Variants in CEBPZ observed in about 807,000 individuals in gnomAD.
CEBPZ encodes the protein CCAAT/enhancer-binding protein zeta.
Under a neutral mutation model 104.5 loss-of-function variants are expected in CEBPZ, and 78 were observed. That is an observed-to-expected ratio of 0.75 (90% CI 0.62 to 0.90). The LOEUF (loss-of-function observed/expected upper bound fraction) is 0.90, where lower values mean the gene tolerates loss of function less well. Among genes scored for constraint, CEBPZ ranks in the 40% least tolerant of loss-of-function variants. CEBPZ has a pLI of 0.00. For missense variants in CEBPZ, 1,439 were observed against 1,233.5 expected (o/e 1.17, Z -2.50); for synonymous variants, 470 against 427.0 (o/e 1.10, Z -1.24).
At chr2:37,226,027 C>T (rs947481062) in intron 2 of CEBPZ, among the ~76,000 whole-genome samples, 6 of 148,490 alleles carry the variant, frequency 4.0e-5, no homozygotes, top group East Asian at 2.0e-4. Context: ...CCTTTGTTCA[C>T]GTGTTTGTCT....
rs1677247705 is a variant in CEBPZ, at chr2:37,201,723, A to T, written c.*41T>A. 1 of 1,168,994 alleles carries T rather than the reference A, an allele frequency of 8.6e-7. No individual in the cohort carries two copies. Among genetic ancestry groups the T allele is most frequent in the East Asian group, 2.5e-5 (1 of 39,216 alleles). The allele number at this position is 1,168,994 out of a possible 1,614,324, so 72.4% of individuals were successfully genotyped here. ...AAAACATGGTTGAACAGCAAAAATT[A>T]GATGTAAGTAGAATTTTAATCTATA... is the stretch of plus-strand genomic sequence containing the variant. On this transcript the variant is annotated 3_prime_UTR_variant, in exon 16 of 16. Transcript: ENST00000234170.
rs761626986 is a variant in CEBPZ, at chr2:37,228,992, C to T, written c.201G>A (p.Val67=). The T allele has an allele frequency of 1.9e-6, 3 of 1,593,830 alleles. No individual in the cohort carries two copies. The highest frequency in any genetic ancestry group is 1.4e-5 in the African/African-American group (1 of 73,922). ...TTGCTCCTTTTTTGCCTCCATCTAT[C>T]ACTTCCTCATTCTCATCCAAAGTAG... ...MLATLDENEE[V]IDGGKKGAID... Residue 67 remains valine, a synonymous_variant, in exon 2 of 16, where the codon GTG becomes GTA. Transcript: ENST00000234170.
At chr2:37,216,065 C>A (rs1677859048) in intron 8 of CEBPZ, 75 bp downstream of exon 8, 2 of 1,102,228 alleles carry the variant, frequency 1.8e-6, no homozygotes, top group South Asian at 1.5e-5. Context: ...TAAATTAGAA[C>A]AAAGAATAAT....
At chr2:37,231,269 G>T (rs1227933843) in intron 1 of CEBPZ, 143 bp downstream of exon 1, 1 of 1,107,134 alleles carries the variant, frequency 9.0e-7, no homozygotes, top group Non-Finnish European at 1.4e-6. Context: ...CGTGGGAAGC[G>T]CACCGAACAC....
At chr2:37,216,553 ATC>A (rs1421511965) in intron 6 of CEBPZ, 135 bp from the exon 7 acceptor site, 6 of 651,408 alleles carry the variant, frequency 9.2e-6, no homozygotes, top group Admixed American at 5.9e-5. Flanking sequence ...CTCTTCAAAT[ATC>A]TCTCTCATGC....
intron 13 of CEBPZ, 102 bp downstream of exon 13, chr2:37,210,897 T>A: frequency 2.4e-5 from 12 of 493,608 alleles, no homozygotes; most frequent in Non-Finnish European, 3.7e-5. Context: ...CCCCCACCCC[T>A]GAATTTTATT....
At chr2:37,207,338 C>G (rs1436423672) in intron 13 of CEBPZ, among the ~76,000 whole-genome samples, 2 of 152,178 alleles carry the variant, frequency 1.3e-5, no homozygotes, top group East Asian at 3.8e-4. Flanking sequence ...TACCCAAAAA[C>G]TGCAGAATAT....
At chr2:37,223,104 A>G in intron 3 of CEBPZ, 66 bp downstream of exon 3, 1 of 1,357,232 alleles carries the variant, frequency 7.4e-7, no homozygotes, top group Non-Finnish European at 1.0e-6. Context: ...TGAAGCAAAG[A>G]AAAACAAAAC....
chr2:37,227,690 A>T lies in CEBPZ; in HGVS notation c.1503T>A (p.Asp501Glu), dbSNP rs940281001. ...NRAYPYSQTG[D>E]DKVREQIDTL... ...TGTCAATCTGCTCCCTTACTTTGTC[A>T]TCACCAGTCTGGGAATAAGGGTATG... is the stretch of plus-strand genomic sequence containing the variant. Residue 501 changes from aspartate (D) to glutamate (E), a missense_variant, in exon 2 of 16, where the codon GAT becomes GAA. Physicochemically the swap from Asp to Glu is conservative, Grantham distance 45 (BLOSUM62 2). Coordinates refer to ENST00000234170, the MANE Select transcript of CEBPZ (RefSeq NM_005760.3). The T allele has an allele frequency of 6.2e-7, 1 of 1,614,110 alleles. No homozygotes were observed. Among genetic ancestry groups the T allele is most frequent in the Non-Finnish European group, 8.5e-7 (1 of 1,180,036 alleles).
chr2:37,217,271 C>T (rs916999659), intron 5 of CEBPZ, among the ~76,000 whole-genome samples: 15 of 151,878 alleles, frequency 9.9e-5, no homozygotes, highest in Non-Finnish European at 1.6e-4. Context: ...ATGGTGCGCG[C>T]GTGCCTGTAC....
intron 2 of CEBPZ, among the ~76,000 whole-genome samples, chr2:37,223,610 A>T (rs553385566): frequency 6.6e-6 from 1 of 152,356 alleles, no homozygotes; most frequent in South Asian, 2.1e-4. Context: ...ACAGCAACAG[A>T]CACAGGAATA....
intron 13 of CEBPZ, 94 bp from the exon 14 acceptor site, chr2:37,203,102 T>G (rs1248665826): frequency 4.2e-5 from 35 of 830,416 alleles, no homozygotes; most frequent in Non-Finnish European, 6.2e-5. Context: ...AAATTATACT[T>G]GGGTAAAAAC....
chr2:37,227,409 G>T, intron 2 of CEBPZ, 135 bp downstream of exon 2: 1 of 653,652 alleles, frequency 1.5e-6, no homozygotes, highest in Non-Finnish European at 2.5e-6. Context: ...ACTTGAAGGT[G>T]GCGAGTAGCA....
intron 1 of CEBPZ, among the ~76,000 whole-genome samples, chr2:37,230,793 G>A (rs1381412667): frequency 6.6e-6 from 1 of 152,140 alleles, no homozygotes; most frequent in African/African-American, 2.4e-5. Flanking sequence ...TGTTCCAACT[G>A]ACTGGAATGG....
chr2:37,216,332 CT>C lies in CEBPZ; in HGVS notation c.2294del (p.Lys765SerfsTer13). On this transcript the variant is annotated frameshift_variant, in exon 7 of 16. Transcript: ENST00000234170. LOFTEE classifies it high-confidence loss of function. Reference sequence around the variant, plus strand: ...GAAGCATACCTTTGCCTTTATGGGGCTTTGGATTTCGGTATACAAATCGATC... The same window carrying C: ...GAAGCATACCTTTGCCTTTATGGGGCTTGGATTTCGGTATACAAATCGATC... Reference protein sequence around the residue: ...FLDRFVYRNPKPHKGKENTDS... With the variant: ...FLDRFVYRNPXPHKGKENTDS... 1 of 1,613,606 alleles carries C rather than the reference CT, an allele frequency of 6.2e-7. No individual in the cohort carries two copies. The highest frequency in any genetic ancestry group is 8.5e-7 in the Non-Finnish European group (1 of 1,179,782).
intron 5 of CEBPZ, among the ~76,000 whole-genome samples, chr2:37,219,571 T>G (rs1170546279): frequency 6.6e-6 from 1 of 152,136 alleles, no homozygotes; most frequent in East Asian, 1.9e-4. Flanking sequence ...TGTACTGGTA[T>G]TACTATGGAA....
At chr2:37,221,134 C>G (rs1664761247) in intron 4 of CEBPZ, among the ~76,000 whole-genome samples, 1 of 151,926 alleles carries the variant, frequency 6.6e-6, no homozygotes, top group Non-Finnish European at 1.5e-5. Flanking sequence ...AGCCGGTGCA[C>G]AGAGTGGGAT....
At chr2:37,210,921 A>T in intron 13 of CEBPZ, 78 bp downstream of exon 13, 3 of 832,092 alleles carry the variant, frequency 3.6e-6, no homozygotes, top group Non-Finnish European at 5.4e-6. Context: ...CAAATTTAGG[A>T]GAGTTCATTT....
At chr2:37,210,249 C>T (rs980571571) in intron 13 of CEBPZ, 5 of 152,198 alleles carry the variant, frequency 3.3e-5, no homozygotes, top group Non-Finnish European at 5.9e-5. Context: ...GTAGAACTAT[C>T]ATTTGATCTA....
Sources: allele counts gnomAD v4.1 joint callset (sites outside exome capture counted in the v4.1 genomes callset), GRCh38; gene constraint gnomAD v4.1.1; transcripts MANE v1.5; gene names NCBI Gene and HGNC (gene_info 2026-07-23, HGNC 2026-07-21).